FGF14: variants seen among roughly 807,000 people sequenced by gnomAD.
FGF14 encodes fibroblast growth factor homologous factor 4.
Under a neutral mutation model 25.5 loss-of-function variants are expected in FGF14, and 5 were observed. The observed-to-expected ratio is 0.20, with a 90% CI of 0.10 to 0.41. FGF14 has a LOEUF of 0.41. Among genes scored for constraint, FGF14 ranks in the 10% least tolerant of loss-of-function variants. The probability of loss-of-function intolerance (pLI) is 1.00; values close to 1 mark genes in which losing one functional copy is unlikely to be tolerated. For missense variants in FGF14, 222 were observed against 320.1 expected (o/e 0.69, Z 2.34); for synonymous variants, 138 against 118.3 (o/e 1.17, Z -1.08).
At chr13:102,099,390 C>G (rs542655009) in intron 1 of FGF14, among the ~76,000 whole-genome samples, 2 of 152,336 alleles carry the variant, frequency 1.3e-5, no homozygotes, top group African/African-American at 4.8e-5. Context: ...CTGCATCCCA[C>G]TTTCTAAAAT....
At chr13:102,278,990 T>C (rs1231421275) in intron 1 of FGF14, among the ~76,000 whole-genome samples, 1 of 152,218 alleles carries the variant, frequency 6.6e-6, no homozygotes, top group African/African-American at 2.4e-5. Flanking sequence ...GGTGATATTA[T>C]ATATATTTGA....
At chr13:101,990,311 A>G (rs111892005) in intron 1 of FGF14, among the ~76,000 whole-genome samples, 43 of 152,228 alleles carry the variant, frequency 2.8e-4, no homozygotes, top group African/African-American at 1.0e-3. Context: ...GTTTTCACAC[A>G]AGGTGAATTC....
chr13:102,329,628 C>T (rs2138825118), intron 1 of FGF14, among the ~76,000 whole-genome samples: 1 of 152,246 alleles, frequency 6.6e-6, no homozygotes, highest in South Asian at 2.1e-4. Flanking sequence ...CTTTCAGTTC[C>T]TTGCATCTTT....
intron 3 of FGF14, among the ~76,000 whole-genome samples, chr13:101,846,619 G>A (rs1163902237): frequency 2.6e-5 from 4 of 152,024 alleles, no homozygotes; most frequent in Non-Finnish European, 4.4e-5. Flanking sequence ...CACAGCCAAC[G>A]TTGATCTTAA....
At chr13:102,255,253 G>T (rs969048867) in intron 1 of FGF14, among the ~76,000 whole-genome samples, 22 of 152,158 alleles carry the variant, frequency 1.4e-4, no homozygotes, top group African/African-American at 4.1e-4. Context: ...GAGAGGAAAG[G>T]CCAGAAGGGA....
intron 3 of FGF14, among the ~76,000 whole-genome samples, chr13:101,797,772 T>TGTGTGTGCGCGC (rs1555384575): frequency 3.1e-4 from 45 of 145,668 alleles, no homozygotes; most frequent in African/African-American, 1.1e-3. Flanking sequence ...TGTGTGTGTG[T>TGTGTGTGCGCGC]GTGTGTGTGT....
chr13:101,932,783 G>C (rs1594763177), intron 1 of FGF14, among the ~76,000 whole-genome samples: 1 of 142,554 alleles, frequency 7.0e-6, no homozygotes. Flanking sequence ...AAAGCACTGA[G>C]AAAAAATTAT....
intron 1 of FGF14, among the ~76,000 whole-genome samples, chr13:102,303,050 T>C (rs1326186680): frequency 1.3e-5 from 2 of 152,134 alleles, no homozygotes; most frequent in Non-Finnish European, 2.9e-5. Flanking sequence ...TTCTCTGACA[T>C]CATCTCCTAC....
intron 1 of FGF14, among the ~76,000 whole-genome samples, chr13:102,068,507 A>T (rs930020076): frequency 6.6e-6 from 1 of 152,148 alleles, no homozygotes. Context: ...GGCTGCGTAC[A>T]GTGCTTGCGG....
At chr13:102,037,050 G>A (rs1341966452) in intron 1 of FGF14, among the ~76,000 whole-genome samples, 1 of 152,052 alleles carries the variant, frequency 6.6e-6, no homozygotes, top group Non-Finnish European at 1.5e-5. Context: ...GTTCATCAGT[G>A]CACAATTGGG....
chr13:101,891,363 T>C (rs1053908483), intron 1 of FGF14, among the ~76,000 whole-genome samples: 5 of 152,136 alleles, frequency 3.3e-5, no homozygotes, highest in African/African-American at 9.7e-5. Context: ...AGCGTTCAGA[T>C]AGTGCCATCC....
intron 3 of FGF14, among the ~76,000 whole-genome samples, chr13:101,832,897 TA>T (rs902481421): frequency 6.6e-6 from 1 of 152,066 alleles, no homozygotes; most frequent in Admixed American, 6.6e-5. Context: ...TCTATATGTT[TA>T]AAAAGAACTA....
intron 1 of FGF14, among the ~76,000 whole-genome samples, chr13:102,010,278 A>C (rs2040010465): frequency 1.3e-5 from 2 of 152,200 alleles, no homozygotes; most frequent in African/African-American, 2.4e-5. Context: ...CCATCAACCC[A>C]AACAGTTAAA....
At chr13:102,229,516 A>C (rs1052548898) in intron 1 of FGF14, among the ~76,000 whole-genome samples, 2 of 152,166 alleles carry the variant, frequency 1.3e-5, no homozygotes, top group South Asian at 4.1e-4. Context: ...GTAGGTATAA[A>C]AGATCCTAAA....
rs2034676354 is a variant in FGF14, at chr13:101,715,485, A to G, written c.*7346T>C. 5.3e-6 allele frequency: 5 copies of G among 947,906 alleles called. No individual in the cohort carries two copies. The South Asian group carries it at 6.6e-5, about 13-fold the overall frequency. 58.7% of individuals were successfully genotyped at this position (947,906 alleles called of 1,614,324 possible). A position where few individuals can be genotyped will look rare whatever the true frequency, so the allele number is the denominator to read the frequency against. ...TGAATGAAATGATTTCATTGTGGACACTTGTGATTTATAATAGCATGTTTA... is the reference window on the plus strand; with the variant it reads ...TGAATGAAATGATTTCATTGTGGACGCTTGTGATTTATAATAGCATGTTTA... On this transcript the variant is annotated 3_prime_UTR_variant, in exon 5 of 5. Transcript: ENST00000376143.
Position 101,908,659 on chromosome 13 carries a change from T to C in FGF14, c.193+7794A>G, listed in dbSNP as rs541858358. Among the ~76,000 whole-genome samples the C allele has an allele frequency of 3.3e-5, 5 of 152,270 alleles. No homozygotes were observed. In the East Asian group the frequency reaches 9.7e-4, roughly 29 times the overall value. ...AGAATCAATATCATGAAAATGGCCA[T>C]ACTGCCCAAGGTCATTTATAGATTC... On this transcript the variant is annotated intron_variant, in intron 1 of 4. Coordinates refer to ENST00000376143, the MANE Select transcript of FGF14 (RefSeq NM_004115.4).
intron 1 of FGF14, among the ~76,000 whole-genome samples, chr13:102,348,442 T>TA (rs1196469193): frequency 6.6e-6 from 1 of 152,058 alleles, no homozygotes; most frequent in Non-Finnish European, 1.5e-5. Flanking sequence ...CCTCCATCCA[T>TA]AGTGCAGAAT....
intron 1 of FGF14, among the ~76,000 whole-genome samples, chr13:101,914,817 C>A (rs2033302962): frequency 1.3e-5 from 2 of 151,950 alleles, no homozygotes; most frequent in South Asian, 4.1e-4. Context: ...TGTAGACAGC[C>A]AATTTGGAGC....
upstream of FGF14, among the ~76,000 whole-genome samples, chr13:101,920,353 G>C (rs892081595): frequency 7.2e-5 from 11 of 152,132 alleles, no homozygotes; most frequent in African/African-American, 2.4e-4. Context: ...TCATTTCAGA[G>C]GTTCTTGGTT....
Sources: gnomAD v4.1 joint callset for allele counts (sites outside exome capture counted in the v4.1 genomes callset) on GRCh38, gnomAD v4.1.1 for gene constraint, MANE v1.5 for transcripts, NCBI Gene and HGNC (gene_info 2026-07-23, HGNC 2026-07-21) for gene names.